NELL1: variants seen among roughly 807,000 people sequenced by gnomAD.
NELL1 encodes the protein protein kinase C-binding protein NELL1.
Under a neutral mutation model 107.4 loss-of-function variants are expected in NELL1, and 76 were observed. That is an observed-to-expected ratio of 0.71 (90% CI 0.59 to 0.86). NELL1 has a LOEUF of 0.86. Among genes scored for constraint, NELL1 ranks in the 40% least tolerant of loss-of-function variants. NELL1 has a pLI of 0.00. For missense variants in NELL1, 1,024 were observed against 1,005.5 expected (o/e 1.02, Z -0.25); for synonymous variants, 353 against 341.2 (o/e 1.03, Z -0.38).
At chr11:21,201,147 GT>G (rs1278460644) in intron 13 of NELL1, among the ~76,000 whole-genome samples, 16 of 152,106 alleles carry the variant, frequency 1.1e-4, no homozygotes, top group Admixed American at 3.9e-4. Flanking sequence ...ATTTAAAGTA[GT>G]TTTTTCTAAT....
At chr11:20,879,600 G>A (rs578232500) in intron 4 of NELL1, among the ~76,000 whole-genome samples, 1 of 152,056 alleles carries the variant, frequency 6.6e-6, no homozygotes, top group South Asian at 2.1e-4. Flanking sequence ...TGGGTGTCAG[G>A]TGGGGCGGGG....
intron 5 of NELL1, among the ~76,000 whole-genome samples, chr11:20,888,115 T>C (rs1849546820): frequency 6.6e-6 from 1 of 151,944 alleles, no homozygotes; most frequent in Admixed American, 6.6e-5. Flanking sequence ...TTGTTGAAGT[T>C]AAAAAAGAAA....
chr11:21,477,842 A>T (rs1358026649), intron 15 of NELL1, among the ~76,000 whole-genome samples: 1 of 149,242 alleles, frequency 6.7e-6, no homozygotes, highest in Admixed American at 6.7e-5. Context: ...TTATATAAAT[A>T]AAAATTATAA....
chr11:20,938,390 C>G, intron 10 of NELL1, among the ~76,000 whole-genome samples: 1 of 152,162 alleles, frequency 6.6e-6, no homozygotes, highest in African/African-American at 2.4e-5. Context: ...GGATATACAA[C>G]AGTGAACAAA....
chr11:20,829,091 A>G (rs534033494), intron 3 of NELL1, among the ~76,000 whole-genome samples: 5 of 152,194 alleles, frequency 3.3e-5, no homozygotes, highest in African/African-American at 1.2e-4. Flanking sequence ...TTTCTTTTAC[A>G]TTAATTTTAG....
At chr11:21,389,915 A>G (rs1851830309) in intron 15 of NELL1, among the ~76,000 whole-genome samples, 1 of 151,754 alleles carries the variant, frequency 6.6e-6, no homozygotes, top group African/African-American at 2.4e-5. Context: ...ATGTATTTCT[A>G]TATACCTATA....
chr11:20,895,441 C>T (rs554494753), intron 5 of NELL1, among the ~76,000 whole-genome samples: 2 of 150,794 alleles, frequency 1.3e-5, no homozygotes, highest in East Asian at 1.9e-4. Flanking sequence ...TATCTTTCCA[C>T]TCTCTAGCTG....
At chr11:21,399,548 C>A (rs1173318636) in intron 15 of NELL1, among the ~76,000 whole-genome samples, 1 of 151,530 alleles carries the variant, frequency 6.6e-6, no homozygotes, top group East Asian at 2.0e-4. Flanking sequence ...AAATAATAGC[C>A]AAAATGTATT....
chr11:20,774,521 A>G (rs934332286), intron 2 of NELL1, among the ~76,000 whole-genome samples: 5 of 132,152 alleles, frequency 3.8e-5, no homozygotes, highest in African/African-American at 1.0e-4. Flanking sequence ...ATATGCTACC[A>G]TGCCTGGCTC....
chr11:20,967,233 C>T (rs1051979309), intron 12 of NELL1, among the ~76,000 whole-genome samples: 1 of 151,992 alleles, frequency 6.6e-6, no homozygotes, highest in African/African-American at 2.4e-5. Context: ...GAATGAACTT[C>T]TGTGGAAACA....
chr11:20,927,032 A>T lies in NELL1; in HGVS notation c.760-276A>T, dbSNP rs572719611. On this transcript the variant is annotated intron_variant, in intron 7 of 19. Coordinates refer to ENST00000357134, the MANE Select transcript of NELL1 (RefSeq NM_006157.5). ...TTGTGTGGGCTTGAATGGAAAGCAC[A>T]CACATTTATGAACACCCATGAGGTT... The T allele has an allele frequency of 1.5e-5, 5 of 339,452 alleles. No homozygotes were observed. The East Asian group carries it at 3.2e-4, about 22-fold the overall frequency. The allele number at this position is 339,452 out of a possible 1,614,324, so 21.0% of individuals were successfully genotyped here. A position where few individuals can be genotyped will look rare whatever the true frequency, so the allele number is the denominator to read the frequency against.
At chr11:20,723,718 C>T (rs1274963896) in intron 2 of NELL1, among the ~76,000 whole-genome samples, 1 of 149,132 alleles carries the variant, frequency 6.7e-6, no homozygotes, top group Non-Finnish European at 1.5e-5. Flanking sequence ...GGCAGTGCCC[C>T]AGTGGGGACT....
intron 14 of NELL1, among the ~76,000 whole-genome samples, chr11:21,367,261 T>TACACACACACACACACACACACAC (rs72275889): frequency 6.9e-6 from 1 of 145,134 alleles, no homozygotes; most frequent in East Asian, 2.1e-4. Context: ...TTTATCTTAC[T>TACACACACACACACACACACACAC]ACACACACAC....
intron 2 of NELL1, among the ~76,000 whole-genome samples, chr11:20,698,888 T>C (rs1304515236): frequency 1.3e-5 from 2 of 152,200 alleles, no homozygotes; most frequent in African/African-American, 4.8e-5. Context: ...TTATACAATA[T>C]TTGGTTTTCC....
Position 20,986,359 on chromosome 11 carries a change from G to A in NELL1, c.1300+25799G>A, listed in dbSNP as rs528035879. On this transcript the variant is annotated intron_variant, in intron 12 of 19. Coordinates refer to ENST00000357134, the MANE Select transcript of NELL1 (RefSeq NM_006157.5). ...ATGTTCCAGATGTGGAGTGAAAGGC[G>A]TTGTTAAGAAAGATTGCATTTTTCA... Among the ~76,000 whole-genome samples, 35 of 152,312 alleles carry A rather than the reference G, an allele frequency of 2.3e-4. 1 individual carries two copies. The highest frequency in any genetic ancestry group is 1.4e-3 in the South Asian group (7 of 4,830).
At chr11:21,196,564 T>C (rs2133842483) in intron 13 of NELL1, among the ~76,000 whole-genome samples, 1 of 152,240 alleles carries the variant, frequency 6.6e-6, no homozygotes, top group Admixed American at 6.6e-5. Flanking sequence ...TTCATTTATG[T>C]GTCCTCAGAA....
chr11:20,738,003 C>T (rs1280653604), intron 2 of NELL1, among the ~76,000 whole-genome samples: 1 of 150,674 alleles, frequency 6.6e-6, no homozygotes, highest in Non-Finnish European at 1.5e-5. Context: ...ATGTTCACTG[C>T]TATATCCCAG....
chr11:21,266,970 A>T (rs1848648367), intron 14 of NELL1, among the ~76,000 whole-genome samples: 1 of 152,110 alleles, frequency 6.6e-6, no homozygotes, highest in African/African-American at 2.4e-5. Context: ...CATAATTCTT[A>T]GCCTATTTTA....
intron 15 of NELL1, among the ~76,000 whole-genome samples, chr11:21,530,845 A>G (rs1383941375): frequency 9.2e-5 from 14 of 152,148 alleles, no homozygotes; most frequent in Non-Finnish European, 4.4e-5. Flanking sequence ...AATCTCCATT[A>G]TAGCCTTGGT....
Sources: gnomAD v4.1 joint callset for allele counts (sites outside exome capture counted in the v4.1 genomes callset) on GRCh38, gnomAD v4.1.1 for gene constraint, MANE v1.5 for transcripts, NCBI Gene and HGNC (gene_info 2026-07-23, HGNC 2026-07-21) for gene names.